The following ALLC variants were observed in gnomAD, a reference collection of about 807,000 sequenced individuals.
ALLC encodes the protein allantoicase, also known as probable inactive allantoicase.
Under a neutral mutation model 45.0 loss-of-function variants are expected in ALLC, and 40 were observed. That is an observed-to-expected ratio of 0.89 (90% confidence interval 0.69 to 1.16). The LOEUF is 1.16. Among genes scored for constraint, ALLC ranks in the 50% most tolerant of loss-of-function variants. The pLI, the probability that ALLC is intolerant of heterozygous loss-of-function variation, is 0.00. For synonymous variants in ALLC, 176 were observed against 178.1 expected, an observed-to-expected ratio of 0.99 and a Z score of 0.09; for missense variants, 488 against 493.1, an observed-to-expected ratio of 0.99 and a Z score of 0.10.
intron 7 of ALLC, among the ~76,000 whole-genome samples, chr2:3,692,499 CATT>C (rs1324906391): frequency 1.3e-5 from 2 of 152,180 alleles, no homozygotes; most frequent in Admixed American, 6.5e-5. Context: ...CTTAGAGAAT[CATT>C]ATAAATTTCC....
chr2:3,695,914 G>T (rs1053989468), intron 8 of ALLC, 42 bp downstream of exon 8: 2 of 1,560,614 alleles, frequency 1.3e-6, no homozygotes, highest in Admixed American at 1.9e-5. Flanking sequence ...AGGAAGTCTG[G>T]GTACCGGCAT....
At chr2:3,672,117 T>G (rs1168869216) in intron 2 of ALLC, among the ~76,000 whole-genome samples, 1 of 114,770 alleles carries the variant, frequency 8.7e-6, no homozygotes, top group African/African-American at 3.9e-5. Context: ...CTGGCTCTAG[T>G]TAGATTGGAG....
the ALLC span, among the ~76,000 whole-genome samples, chr2:3,651,417 GTGTGTGTGTGTGTGTGTGTGTGTGTT>G: frequency 1.8e-5 from 1 of 55,198 alleles, no homozygotes. Context: ...GTGTGTGTGT[GTGTGTGTGTGTGTGTGTGTGTGTGTT>G]AGGAAGGGAG....
At chr2:3,656,982 G>A (rs1052182495), upstream of ALLC, among the ~76,000 whole-genome samples, 32 of 152,360 alleles carry the variant, frequency 2.1e-4, no homozygotes, top group African/African-American at 7.7e-4. Flanking sequence ...GCGAGCGGGG[G>A]CACTGCACTG....
chr2:3,688,831 G>C (rs2148013520), intron 7 of ALLC: 1 of 159,026 alleles, frequency 6.3e-6, no homozygotes, highest in Non-Finnish European at 1.4e-5. Context: ...AACTTGCCAT[G>C]GGTGGAAGCC....
upstream of ALLC, among the ~76,000 whole-genome samples, chr2:3,655,620 T>C (rs1666420393): frequency 6.6e-6 from 1 of 152,210 alleles, no homozygotes; most frequent in South Asian, 2.1e-4. Flanking sequence ...CATGCTTGTC[T>C]AATTAAAAAA....
At chr2:3,673,308 C>A (rs1422024411) in intron 2 of ALLC, among the ~76,000 whole-genome samples, 1 of 152,198 alleles carries the variant, frequency 6.6e-6, no homozygotes, top group Non-Finnish European at 1.5e-5. Context: ...TGAGGAGCCA[C>A]AGAGAGATCT....
intron 2 of ALLC, among the ~76,000 whole-genome samples, chr2:3,672,331 A>C (rs368106539): frequency 4.8e-4 from 27 of 55,828 alleles, no homozygotes; most frequent in South Asian, 1.9e-3. Flanking sequence ...CTGGTTAGAT[A>C]GGAGGTCCTC....
rs771135482 is a variant in ALLC, at chr2:3,695,789, C to G, written c.584C>G (p.Pro195Arg). The change falls in exon 8 of 12, where the codon CCT becomes CGT. Residue 195 changes from proline to arginine, a missense_variant. Pro to Arg is a moderately radical substitution (Grantham distance 103, BLOSUM62 -2). Transcript: ENST00000252505. ...KDWTATDPKEPADLVAIAFGG... is the reference protein window; with the variant it reads ...KDWTATDPKERADLVAIAFGG... ...TGGACTGCAACTGACCCCAAAGAAC[C>G]TGCAGACCTAGTGGCCATCGCTTTT... The G allele has an allele frequency of 5.0e-6, 8 of 1,614,034 alleles. No homozygotes were observed. The South Asian group carries it at 7.7e-5, about 16-fold the overall frequency.
chr2:3,653,509 C>T (rs1572497251), upstream of ALLC, among the ~76,000 whole-genome samples: 1 of 152,166 alleles, frequency 6.6e-6, no homozygotes, highest in East Asian at 1.9e-4. The surrounding 1 kb of genome is among the most constrained non-coding windows in gnomAD (Gnocchi z 4.1). Context: ...CAGCCCTTGC[C>T]GCTTTCCCTG....
the ALLC span, among the ~76,000 whole-genome samples, chr2:3,647,128 C>T: frequency 6.6e-3 from 999 of 152,230 alleles, 4 homozygotes; most frequent in South Asian, 0.014. Context: ...AAATATAGGG[C>T]CCCAGACAGG....
chr2:3,680,063 C>A lies in ALLC; in HGVS notation c.298+69C>A. ...CATGGCTCCTCTGGCCAGCCACAGC[C>A]CCACAACTGCTCACTTTCCCTACCA... On this transcript the variant is annotated intron_variant, in intron 5 of 11. Transcript: ENST00000252505. This position sits in a 1 kb window ranked among gnomAD's most constrained non-coding sequence, Gnocchi z 4.0. The A allele has an allele frequency of 9.4e-6, 15 of 1,595,774 alleles. No homozygotes were observed. Among genetic ancestry groups the A allele is most frequent in the Non-Finnish European group, 1.3e-5 (15 of 1,166,514 alleles).
At chr2:3,674,513 A>G (rs1666970865) in intron 3 of ALLC, among the ~76,000 whole-genome samples, 1 of 152,214 alleles carries the variant, frequency 6.6e-6, no homozygotes, top group East Asian at 1.9e-4. Context: ...GAAAATGCTG[A>G]CGAACATAGG....
chr2:3,693,671 G>A (rs1202258063), intron 7 of ALLC, among the ~76,000 whole-genome samples: 1 of 152,216 alleles, frequency 6.6e-6, no homozygotes, highest in African/African-American at 2.4e-5. Flanking sequence ...ACTATTTGTT[G>A]TTAGATTTGA....
chr2:3,697,728 C>T (rs1233089703), intron 10 of ALLC, among the ~76,000 whole-genome samples: 2 of 149,872 alleles, frequency 1.3e-5, no homozygotes, highest in Non-Finnish European at 3.0e-5. Context: ...TGCAGTGGCG[C>T]AATCTCAGCT....
intron 9 of ALLC, 86 bp from the exon 10 acceptor site, chr2:3,697,262 C>G: frequency 1.0e-6 from 1 of 964,974 alleles, no homozygotes; most frequent in Non-Finnish European, 1.6e-6. Flanking sequence ...AGAAACACGT[C>G]AACCTTTTTC....
rs577045799 is a variant in ALLC at position 3,670,396 on chromosome 2, G to A, written c.-62-700G>A. On this transcript the variant is annotated intron_variant, in intron 1 of 11. Coordinates refer to ENST00000252505, the MANE Select transcript of ALLC (RefSeq NM_018436.4). ...AGACGCCACCTCTTGGCTTAGGGGC[G>A]GGGAGGCTCTGGGGTCAGGCCAGAC... is the stretch of plus-strand genomic sequence containing the variant. Among the ~76,000 whole-genome samples the A allele has an allele frequency of 2.2e-3, 338 of 152,298 alleles. 2 individuals carry two copies. Among genetic ancestry groups the A allele is most frequent in the African/African-American group, 7.5e-3 (313 of 41,562 alleles).
rs374848881 is a variant in ALLC, at chr2:3,678,552, C to G, written c.169C>G (p.Pro57Ala). 1.9e-6 allele frequency: 3 copies of G among 1,613,438 alleles called. No homozygotes were observed. The highest frequency in any genetic ancestry group is 2.2e-5 in the South Asian group (2 of 91,044). Residue 57 changes from proline to alanine, a missense_variant, in exon 4 of 12, where the codon CCA (proline) becomes GCA (alanine). Transcript: ENST00000252505. The part of the protein sequence containing the change: ...DGWETRRKRI[P>A]GHDWCVLRLG... ...CTGGGAGACCAGGAGGAAAAGGATT[C>G]CAGGTAATAACAACGGTTCGTTCAT...
chr2:3,682,899 T>C (rs758534409), intron 6 of ALLC, 43 bp from the exon 7 acceptor site: 70 of 1,602,892 alleles, frequency 4.4e-5, no homozygotes, highest in Non-Finnish European at 5.8e-5. Flanking sequence ...CAGAATTTAT[T>C]GTTTTCAAGA....
Sources: gnomAD v4.1 joint callset for allele counts (sites outside exome capture counted in the v4.1 genomes callset) on GRCh38, gnomAD v4.1.1 for gene constraint, Gnocchi (gnomAD v3.1) non-coding constraint, MANE v1.5 for transcripts, NCBI Gene and HGNC (gene_info 2026-07-23, HGNC 2026-07-21) for gene names.